Variants in SLC20A2 observed in about 807,000 individuals in gnomAD.
The protein encoded by SLC20A2 is sodium-dependent phosphate transporter 2.
A neutral mutation model predicts 61.0 loss-of-function variants in SLC20A2; 30 were observed. The ratio of observed to expected loss-of-function variants is 0.49; its 90% confidence interval spans 0.37 to 0.67. SLC20A2 has a LOEUF of 0.67. Ranked by LOEUF, SLC20A2 falls within the 30% of genes least tolerant of loss-of-function variation. The pLI is 0.00. For missense variants in SLC20A2, 626 were observed against 866.4 expected (o/e 0.72, Z 3.48); for synonymous variants, 351 against 353.3 (o/e 0.99, Z 0.07).
At chr8:42,448,242 T>G (rs545161527) in intron 5 of SLC20A2, among the ~76,000 whole-genome samples, 55 of 152,378 alleles carry the variant, frequency 3.6e-4, no homozygotes, top group Non-Finnish European at 6.0e-4. Context: ...TTGTGCTACT[T>G]TCGGCTTAGC....
rs978945164 is a variant in SLC20A2 at position 42,429,859 on chromosome 8, A to G, written c.1709+205T>C. Among the ~76,000 whole-genome samples the G allele has an allele frequency of 4.6e-5, 7 of 152,126 alleles. No individual in the cohort carries two copies. In the East Asian group the frequency reaches 1.4e-3, roughly 29 times the overall value. Reference sequence around the variant, plus strand: ...GCCCTTCCCACTCCTCATCTCAGGGACGCTGTGGCTGGGGGCCGGGCACAG... The same window carrying G: ...GCCCTTCCCACTCCTCATCTCAGGGGCGCTGTGGCTGGGGGCCGGGCACAG... On this transcript the variant is annotated intron_variant, in intron 9 of 10. Coordinates refer to ENST00000520262, the MANE Select transcript of SLC20A2 (RefSeq NM_001257180.2).
At chr8:42,440,084 C>CA (rs549433459) in intron 6 of SLC20A2, among the ~76,000 whole-genome samples, 358 of 103,012 alleles carry the variant, frequency 3.5e-3, no homozygotes, top group Non-Finnish European at 4.4e-3. Flanking sequence ...GACTCTGTCT[C>CA]AAAAAAAAAA....
intron 1 of SLC20A2, among the ~76,000 whole-genome samples, chr8:42,533,658 T>C (rs1230918691): frequency 8.4e-6 from 1 of 119,130 alleles, no homozygotes; most frequent in Non-Finnish European, 1.8e-5. Context: ...ACTGTTCTTT[T>C]TTTTTTTTTT....
In SLC20A2 at chr8:42,437,270, C is replaced by T. The variant is rs1470682552; in HGVS notation, c.1242G>A (p.Glu414=). 9.9e-6 allele frequency: 16 copies of T among 1,613,990 alleles called. No homozygotes were observed. In the Admixed American group the frequency reaches 2.7e-4, roughly 27 times the overall value. The change falls in exon 8 of 11, where the codon GAG becomes GAA. Residue 414 remains glutamate, a synonymous_variant. Transcript: ENST00000520262. The surrounding 1 kb of genome is among the most constrained non-coding windows in gnomAD (Gnocchi z 6.4). The part of the protein sequence containing the change: ...AADSSAPEDS[E]KLVGDTVSYS... Reference sequence around the variant, plus strand: ...AGGACACGGTGTCGCCCACCAGCTTCTCACTGTCCTCTGGGGCCGATGAGT... The same window carrying T: ...AGGACACGGTGTCGCCCACCAGCTTTTCACTGTCCTCTGGGGCCGATGAGT...
At chr8:42,432,965 T>C (rs1296233821) in intron 8 of SLC20A2, among the ~76,000 whole-genome samples, 1 of 152,252 alleles carries the variant, frequency 6.6e-6, no homozygotes, top group East Asian at 1.9e-4. Flanking sequence ...GAACCCACAG[T>C]GTCTCCCAGG....
At chr8:42,419,594 C>T (rs1025665283) in intron 10 of SLC20A2, 3 of 285,084 alleles carry the variant, frequency 1.1e-5, no homozygotes, top group African/African-American at 6.9e-5. Context: ...TGGTGATTTA[C>T]CAAAGTCCAT....
chr8:42,498,825 G>C (rs1810129173), intron 1 of SLC20A2, among the ~76,000 whole-genome samples: 1 of 152,146 alleles, frequency 6.6e-6, no homozygotes, highest in South Asian at 2.1e-4. Context: ...AAGCCGAAAG[G>C]CAACCTGTTA....
intron 1 of SLC20A2, among the ~76,000 whole-genome samples, chr8:42,532,649 T>C (rs1031674321): frequency 3.9e-5 from 6 of 152,008 alleles, no homozygotes; most frequent in African/African-American, 1.5e-4. Flanking sequence ...GTAATACCTA[T>C]TAATAGAAAA....
At chr8:42,490,597 A>G (rs1190106344) in intron 1 of SLC20A2, among the ~76,000 whole-genome samples, 1 of 152,188 alleles carries the variant, frequency 6.6e-6, no homozygotes, top group Non-Finnish European at 1.5e-5. Context: ...ACTCCGTTTC[A>G]AAAACAAAAA....
intron 1 of SLC20A2, among the ~76,000 whole-genome samples, chr8:42,473,403 T>C (rs1056243481): frequency 2.0e-5 from 3 of 152,158 alleles, no homozygotes; most frequent in East Asian, 3.8e-4. Context: ...CTGGTGTCAC[T>C]GTCCCCTTGC....
At chr8:42,429,832 C>T (rs1198924128) in intron 9 of SLC20A2, among the ~76,000 whole-genome samples, 1 of 152,208 alleles carries the variant, frequency 6.6e-6, no homozygotes, top group East Asian at 1.9e-4. Flanking sequence ...CCCTGCTTGT[C>T]TGCCCTTCCC....
Position 42,430,185 on chromosome 8 carries a change from C to A in SLC20A2, c.1588G>T (p.Ala530Ser). 1 of 1,614,112 alleles carries A rather than the reference C, an allele frequency of 6.2e-7. No individual in the cohort carries two copies. Among genetic ancestry groups the A allele is most frequent in the South Asian group, 1.1e-5 (1 of 91,064 alleles). The change falls in exon 9 of 11, where the codon GCA becomes TCA. Residue 530 changes from alanine (A) to serine (S), a missense_variant. By Grantham distance (99) the Ala-to-Ser change is moderately conservative. Around this residue, in one of 3 missense-constraint regions of SLC20A2, gnomAD observed 138 missense variants for 228.7 expected, o/e 0.60. Transcript: ENST00000520262. ...IYKQGGVTQEAATPVWLLFYG... is the reference protein window; with the variant it reads ...IYKQGGVTQESATPVWLLFYG... ...AACAGCAGCCAGACGGGTGTAGCTG[C>A]TTCTTGCGTTACCCCGCCTTGTTTG...
At chr8:42,445,057 C>T (rs768942034) in intron 5 of SLC20A2, among the ~76,000 whole-genome samples, 1 of 152,186 alleles carries the variant, frequency 6.6e-6, no homozygotes, top group Non-Finnish European at 1.5e-5. Flanking sequence ...TTTGGGAGGC[C>T]AAGGTGGGAG....
At chr8:42,476,766 AG>A (rs1048289977) in intron 1 of SLC20A2, among the ~76,000 whole-genome samples, 4 of 152,148 alleles carry the variant, frequency 2.6e-5, no homozygotes, top group African/African-American at 9.7e-5. Flanking sequence ...CACCTGCCTG[AG>A]GAAAAAGGCT....
At chr8:42,536,076 G>A (rs111620091) in intron 1 of SLC20A2, among the ~76,000 whole-genome samples, 29 of 152,272 alleles carry the variant, frequency 1.9e-4, no homozygotes, top group Admixed American at 4.6e-4. Flanking sequence ...TAGGGCTAAC[G>A]TGCAAATTGG....
At position 42,417,930 on chromosome 8, in the gene SLC20A2, C is replaced by T. The variant is rs773131911; in HGVS notation, c.1832G>A (p.Arg611His). The stretch of plus-strand genomic sequence containing the variant: ...AAAGAGGCGCCAGTCCACAGCCTTG[C>T]GGGAGCGGATCCAGCCCACGGCCAC... ...SVVAVGWIRS[R>H]KAVDWRLFRN... The change falls in exon 11 of 11, where the codon CGC (arginine) becomes CAC (histidine). Residue 611 changes from arginine (R) to histidine (H), a missense_variant. Physicochemically the swap from Arg to His is conservative, Grantham distance 29 (BLOSUM62 0). This residue lies in a region of SLC20A2 where 138 missense variants were observed against 228.7 expected (regional missense o/e 0.60). Transcript: ENST00000520262. 26 of 1,613,776 alleles carry T rather than the reference C, an allele frequency of 1.6e-5. No homozygotes were observed. The highest frequency in any genetic ancestry group is 2.2e-5 in the South Asian group (2 of 91,046).
chr8:42,502,992 G>A (rs1586221527), upstream of SLC20A2, among the ~76,000 whole-genome samples: 1 of 152,210 alleles, frequency 6.6e-6, no homozygotes, highest in East Asian at 1.9e-4. Context: ...TTCTGCATCA[G>A]AGTTTGTATT....
chr8:42,507,878 G>A (rs1302148898), intron 1 of SLC20A2, among the ~76,000 whole-genome samples: 1 of 152,230 alleles, frequency 6.6e-6, no homozygotes, highest in African/African-American at 2.4e-5. Flanking sequence ...AAGAAAGGCT[G>A]GCCCGGCGCG....
chr8:42,422,273 G>A lies in SLC20A2; in HGVS notation c.1795-4306C>T, dbSNP rs547122141. Among the ~76,000 whole-genome samples, 9 of 152,086 alleles carry A rather than the reference G, an allele frequency of 5.9e-5. No individual in the cohort carries two copies. In the South Asian group the frequency reaches 1.2e-3, roughly 21 times the overall value. On this transcript the variant is annotated intron_variant, in intron 10 of 10. Coordinates refer to ENST00000520262, the MANE Select transcript of SLC20A2 (RefSeq NM_001257180.2). ...TTGCCATGTTGGCCAGGCTGGTCTCGAACTCCTGACCTCAGATGATCTGCC... is the reference window on the plus strand; with the variant it reads ...TTGCCATGTTGGCCAGGCTGGTCTCAAACTCCTGACCTCAGATGATCTGCC...
Sources: gnomAD v4.1 joint callset for allele counts (sites outside exome capture counted in the v4.1 genomes callset) on GRCh38, gnomAD v4.1.1 for gene constraint, gnomAD v4.1.1 regional missense constraint, Gnocchi (gnomAD v3.1) non-coding constraint, MANE v1.5 for transcripts, NCBI Gene and HGNC (gene_info 2026-07-23, HGNC 2026-07-21) for gene names.